ATP10A: variants seen among roughly 807,000 people sequenced by gnomAD.
ATP10A encodes ATPase phospholipid transporting 10A (putative).
A neutral mutation model predicts 147.8 loss-of-function variants in ATP10A; 111 were observed. The observed-to-expected ratio is 0.75, with a 90% CI of 0.64 to 0.88. ATP10A has a LOEUF of 0.88. Ranked by LOEUF, ATP10A falls within the 40% of genes least tolerant of loss-of-function variation. The probability of loss-of-function intolerance (pLI) is 0.00; values close to 1 mark genes in which losing one functional copy is unlikely to be tolerated. For synonymous variants in ATP10A, 875 were observed against 841.6 expected, an observed-to-expected ratio of 1.04 and a Z score of -0.69; for missense variants, 1,927 against 1,959.0, an observed-to-expected ratio of 0.98 and a Z score of 0.31.
chr15:25,832,908 G>T (rs537991496), intron 1 of ATP10A, among the ~76,000 whole-genome samples: 1 of 151,830 alleles, frequency 6.6e-6, no homozygotes, highest in South Asian at 2.1e-4. Context: ...GTATACATAG[G>T]CAATATCACT....
chr15:25,861,568 A>G (rs1262795772), intron 1 of ATP10A, among the ~76,000 whole-genome samples: 1 of 152,164 alleles, frequency 6.6e-6, no homozygotes, highest in Non-Finnish European at 1.5e-5. Context: ...GCCTACGTTT[A>G]AGAGGCAGGA....
intron 15 of ATP10A, among the ~76,000 whole-genome samples, chr15:25,688,272 C>G (rs909868417): frequency 6.6e-6 from 1 of 152,174 alleles, no homozygotes; most frequent in Admixed American, 6.5e-5. Context: ...CAGACATTCC[C>G]CTGTCCTGGG....
At chr15:25,847,508 T>C (rs186239967) in intron 1 of ATP10A, among the ~76,000 whole-genome samples, 60 of 151,810 alleles carry the variant, frequency 4.0e-4, no homozygotes, top group Admixed American at 3.1e-3. Flanking sequence ...GCACCTTTTT[T>C]CCACCGTATC....
chr15:25,702,238 T>A, intron 12 of ATP10A, 138 bp from the exon 13 acceptor site: 1 of 856,482 alleles, frequency 1.2e-6, no homozygotes, highest in Non-Finnish European at 1.8e-6. Context: ...TGCCAGGGGC[T>A]GGGCTGCCAG....
chr15:25,741,949 T>C (rs1887600205), intron 2 of ATP10A, among the ~76,000 whole-genome samples: 1 of 152,168 alleles, frequency 6.6e-6, no homozygotes, highest in Non-Finnish European at 1.5e-5. Flanking sequence ...TTCTCCAAGT[T>C]CCACAGATTC....
chr15:25,731,272 C>G (rs1902969475), intron 3 of ATP10A, among the ~76,000 whole-genome samples: 3 of 152,142 alleles, frequency 2.0e-5, no homozygotes, highest in Non-Finnish European at 2.9e-5. Context: ...ACAAAATAGA[C>G]TAAGTCAAAA....
chr15:25,779,825 T>C (rs1889808833), intron 2 of ATP10A, among the ~76,000 whole-genome samples: 2 of 146,558 alleles, frequency 1.4e-5, no homozygotes, highest in South Asian at 4.3e-4. Context: ...AAAAATACAC[T>C]TGGCATAAAA....
In ATP10A at chr15:25,863,210, A is replaced by G; in HGVS notation, c.-114T>C. On this transcript the variant is annotated 5_prime_UTR_variant, in exon 1 of 21. Transcript: ENST00000555815. ...GCGGTGCGAGCTCCCCGCCTGCGGG[A>G]CGCACGGAGACCGCGGTCAGCGCGC... The G allele has an allele frequency of 1.4e-6, 1 of 715,828 alleles. No individual in the cohort carries two copies. Among genetic ancestry groups the G allele is most frequent in the East Asian group, 8.8e-5 (1 of 11,382 alleles). 44.3% of individuals were successfully genotyped at this position (715,828 alleles called of 1,614,324 possible). A position where few individuals can be genotyped will look rare whatever the true frequency, so the allele number is the denominator to read the frequency against.
At chr15:25,745,710 G>A (rs57493320) in intron 2 of ATP10A, among the ~76,000 whole-genome samples, 2,719 of 152,248 alleles carry the variant, frequency 0.018, 82 homozygotes, top group African/African-American at 0.062. Context: ...TTCATAAACT[G>A]ATACAATTAC....
intron 2 of ATP10A, among the ~76,000 whole-genome samples, chr15:25,747,914 CAT>C (rs1284034857): frequency 3.3e-5 from 5 of 151,908 alleles, no homozygotes; most frequent in African/African-American, 1.2e-4. Context: ...ACACAATAAA[CAT>C]ATTAAAAAAC....
At chr15:25,732,558 C>CTACATGCGACACCTTCTTTTTTTTT (rs1555461688) in intron 3 of ATP10A, among the ~76,000 whole-genome samples, 2,590 of 83,962 alleles carry the variant, frequency 0.031, 65 homozygotes, top group Non-Finnish European at 0.043. Flanking sequence ...GCGACACCTT[C>CTACATGCGACACCTTCTTTTTTTTT]TTTTTTTTTT....
At chr15:25,777,894 G>T (rs1170299482) in intron 2 of ATP10A, among the ~76,000 whole-genome samples, 1 of 150,924 alleles carries the variant, frequency 6.6e-6, no homozygotes, top group Admixed American at 6.6e-5. Flanking sequence ...TTATGGGCGT[G>T]AGCCACTGTT....
chr15:25,860,288 A>C (rs987383099), intron 1 of ATP10A, among the ~76,000 whole-genome samples: 17 of 151,850 alleles, frequency 1.1e-4, no homozygotes, highest in African/African-American at 3.9e-4. Flanking sequence ...TGATCCTCAC[A>C]CCACCGTCCC....
At chr15:25,811,838 T>C (rs1286920832) in intron 1 of ATP10A, among the ~76,000 whole-genome samples, 1 of 152,166 alleles carries the variant, frequency 6.6e-6, no homozygotes, top group East Asian at 1.9e-4. Context: ...ATCACGCACC[T>C]GTCCAAGCTG....
intron 1 of ATP10A, among the ~76,000 whole-genome samples, chr15:25,814,799 C>T (rs1227992073): frequency 2.0e-5 from 3 of 152,170 alleles, no homozygotes; most frequent in Non-Finnish European, 4.4e-5. Flanking sequence ...GTGCAAACAC[C>T]TTTTATTTCC....
At chr15:25,701,778 T>C (rs1312137164) in intron 13 of ATP10A, 138 bp downstream of exon 13, 4 of 798,436 alleles carry the variant, frequency 5.0e-6, no homozygotes, top group South Asian at 2.2e-5. Flanking sequence ...GGCAATAACA[T>C]GCACATCCTA....
At chr15:25,711,581 T>C (rs774317112) in intron 10 of ATP10A, among the ~76,000 whole-genome samples, 23 of 152,106 alleles carry the variant, frequency 1.5e-4, no homozygotes, top group Non-Finnish European at 2.6e-4. Context: ...TATCCAAAGC[T>C]GACTTCATGC....
intron 2 of ATP10A, among the ~76,000 whole-genome samples, chr15:25,741,545 C>T (rs796097582): frequency 1.3e-5 from 2 of 152,266 alleles, no homozygotes; most frequent in Admixed American, 6.5e-5. Flanking sequence ...CATTTTAACC[C>T]AAATTAATGG....
At chr15:25,690,429 T>C in intron 15 of ATP10A, among the ~76,000 whole-genome samples, 1 of 152,104 alleles carries the variant, frequency 6.6e-6, no homozygotes, top group East Asian at 1.9e-4. Context: ...TTAGTAGAGA[T>C]GGGGTTTCAC....
Sources: gnomAD v4.1 joint callset for allele counts (sites outside exome capture counted in the v4.1 genomes callset) on GRCh38, gnomAD v4.1.1 for gene constraint, MANE v1.5 for transcripts, NCBI Gene and HGNC (gene_info 2026-07-23, HGNC 2026-07-21) for gene names.